Variants in TGFBRAP1 observed in about 807,000 individuals in gnomAD.
The protein encoded by TGFBRAP1 is transforming growth factor-beta receptor-associated protein 1.
In TGFBRAP1, 20 loss-of-function variants were observed where a neutral mutation model predicts 83.2. The ratio of observed to expected loss-of-function variants is 0.24; its 90% CI spans 0.17 to 0.35. The LOEUF is 0.35. Ranked by LOEUF, TGFBRAP1 falls within the 10% of genes least tolerant of loss-of-function variation. The pLI, the probability that TGFBRAP1 is intolerant of heterozygous loss-of-function variation, is 1.00. For synonymous variants in TGFBRAP1, 415 were observed against 459.8 expected, an observed-to-expected ratio of 0.90 and a Z score of 1.25; for missense variants, 950 against 1,099.4, an observed-to-expected ratio of 0.86 and a Z score of 1.92.
At position 105,296,470 on chromosome 2, in the gene TGFBRAP1, C is replaced by G; in HGVS notation, c.924G>C (p.Leu308Phe). The G allele has an allele frequency of 6.2e-7, 1 of 1,613,974 alleles. No individual in the cohort carries two copies. ...TTTGTTTTTCCAAAGGTAATGGAACCAAGATGTAAACTCCTTTACTTGTGG... is the reference window on the plus strand; with the variant it reads ...TTTGTTTTTCCAAAGGTAATGGAACGAAGATGTAAACTCCTTTACTTGTGG... ...IVATSKGVYI[L>F]VPLPLEKQIQ... The change falls in exon 4 of 12, where the codon TTG (leucine) becomes TTC (phenylalanine). Residue 308 changes from leucine (L) to phenylalanine (F), a missense_variant. Transcript: ENST00000393359.
intron 2 of TGFBRAP1, among the ~76,000 whole-genome samples, chr2:105,303,720 G>A (rs1024635917): frequency 2.0e-5 from 3 of 152,100 alleles, no homozygotes; most frequent in African/African-American, 4.8e-5. Flanking sequence ...CCTTGACAGA[G>A]GTACTCCACC....
the TGFBRAP1 span, among the ~76,000 whole-genome samples, chr2:105,251,623 G>A: frequency 3.3e-5 from 5 of 152,014 alleles, no homozygotes; most frequent in African/African-American, 7.3e-5. Context: ...CTGCCCGGCC[G>A]CCACCCCGTC....
intron 3 of TGFBRAP1, 68 bp from the exon 4 acceptor site, chr2:105,296,578 C>T (rs1678097296): frequency 6.5e-7 from 1 of 1,535,308 alleles, no homozygotes; most frequent in African/African-American, 1.4e-5. Context: ...ACACTGCTTT[C>T]CCCAAACTGG....
At chr2:105,261,446 G>C (rs1035452258), downstream of TGFBRAP1, among the ~76,000 whole-genome samples, 1 of 152,116 alleles carries the variant, frequency 6.6e-6, no homozygotes, top group African/African-American at 2.4e-5. Context: ...GTGAAACCTA[G>C]AGCACATGAG....
At chr2:105,257,824 A>C in the TGFBRAP1 span, among the ~76,000 whole-genome samples, 98 of 152,312 alleles carry the variant, frequency 6.4e-4, 1 homozygote, top group East Asian at 0.018. Context: ...CAACAAGCAA[A>C]GCTCCTGAAT....
chr2:105,307,236 T>C (rs1408240294), intron 2 of TGFBRAP1, among the ~76,000 whole-genome samples: 1 of 152,164 alleles, frequency 6.6e-6, no homozygotes, highest in Non-Finnish European at 1.5e-5. Context: ...GTACTGTCTC[T>C]CTCCATATAA....
intron 5 of TGFBRAP1, among the ~76,000 whole-genome samples, chr2:105,283,923 C>G (rs1002080780): frequency 1.3e-5 from 2 of 152,172 alleles, no homozygotes; most frequent in Admixed American, 6.5e-5. Context: ...TCTTTTCCCC[C>G]CTGCACTAAG....
chr2:105,254,865 T>A, the TGFBRAP1 span, among the ~76,000 whole-genome samples: 1 of 152,080 alleles, frequency 6.6e-6, no homozygotes, highest in African/African-American at 2.4e-5. Context: ...CAGAGCTTCC[T>A]CTCTCTGCCA....
chr2:105,280,403 G>C lies in TGFBRAP1; in HGVS notation c.1442C>G (p.Ala481Gly). ...ENFCLLTDSA[A>G]WLEKHKKYFA... ...TCACTTTTTGTGCTTCTCTAGCCAGGCAGCACTGTCCGTCAGAAGACAGAA... is the reference window on the plus strand; with the variant it reads ...TCACTTTTTGTGCTTCTCTAGCCAGCCAGCACTGTCCGTCAGAAGACAGAA... The change falls in exon 6 of 12, where the codon GCC becomes GGC. Residue 481 changes from alanine (A) to glycine (G), a missense_variant. Ala to Gly is a moderately conservative substitution (Grantham distance 60). Transcript: ENST00000393359. The C allele has an allele frequency of 6.2e-7, 1 of 1,613,930 alleles. No individual in the cohort carries two copies. Among genetic ancestry groups the C allele is most frequent in the Non-Finnish European group, 8.5e-7 (1 of 1,179,982 alleles).
Position 105,273,662 on chromosome 2 carries a change from G to A in TGFBRAP1, c.1694C>T (p.Pro565Leu). 2 of 1,614,120 alleles carry A rather than the reference G, an allele frequency of 1.2e-6. No individual in the cohort carries two copies. Among genetic ancestry groups the A allele is most frequent in the Non-Finnish European group, 8.5e-7 (1 of 1,180,020 alleles). ...ACTGTTCTTCTGCTGTTCATCCAAA[G>A]GTCTCTTGGTGAAAACCTGAACTCC... is the stretch of plus-strand genomic sequence containing the variant. ...EVGVQVFTKRPLDEQQKNSFN... is the reference protein window; with the variant it reads ...EVGVQVFTKRLLDEQQKNSFN... Residue 565 changes from proline to leucine, a missense_variant, in exon 9 of 12, where the codon CCT becomes CTT. By Grantham distance (98) the Pro-to-Leu change is moderately conservative (BLOSUM62 -3). Coordinates refer to ENST00000393359, the MANE Select transcript of TGFBRAP1 (RefSeq NM_004257.6).
chr2:105,289,208 T>G (rs200959864), intron 4 of TGFBRAP1, among the ~76,000 whole-genome samples: 3 of 148,946 alleles, frequency 2.0e-5, no homozygotes, highest in Non-Finnish European at 1.5e-5. Context: ...AAAAAAAAAG[T>G]GGGGGGGTGC....
rs1271299007 is a variant in TGFBRAP1, at chr2:105,307,813, C to T, written c.489G>A (p.Glu163=). 1 of 1,614,210 alleles carries T rather than the reference C, an allele frequency of 6.2e-7. No individual in the cohort carries two copies. The highest frequency in any genetic ancestry group is 2.2e-5 in the East Asian group (1 of 44,870). ...VYEDRVQIVK[E]VSTAEQPLAV... is the part of the protein sequence containing the mutation. Reference sequence around the variant, plus strand: ...CGAGGGGCTGCTCGGCAGTCGACACCTCCTTGACGATCTGCACCCGGTCCT... The same window carrying T: ...CGAGGGGCTGCTCGGCAGTCGACACTTCCTTGACGATCTGCACCCGGTCCT... The change falls in exon 2 of 12, where the codon GAG becomes GAA. Residue 163 remains glutamate, a synonymous_variant. Transcript: ENST00000393359.
intron 2 of TGFBRAP1, among the ~76,000 whole-genome samples, chr2:105,304,445 G>T (rs1678419328): frequency 6.6e-6 from 1 of 152,184 alleles, no homozygotes; most frequent in African/African-American, 2.4e-5. Flanking sequence ...CAAAAAGTAA[G>T]AATCTATGGT....
chr2:105,256,025 A>G, the TGFBRAP1 span, among the ~76,000 whole-genome samples: 214 of 152,290 alleles, frequency 1.4e-3, 4 homozygotes, highest in South Asian at 0.043. Flanking sequence ...CACGTTTTCT[A>G]TTAATACTCT....
chr2:105,320,858 C>T (rs1679035793), intron 1 of TGFBRAP1, among the ~76,000 whole-genome samples: 1 of 152,302 alleles, frequency 6.6e-6, no homozygotes, highest in South Asian at 2.1e-4. Flanking sequence ...AAAGGATTAA[C>T]ACTATGAGTC....
At chr2:105,279,075 T>C (rs1294562970) in intron 6 of TGFBRAP1, among the ~76,000 whole-genome samples, 1 of 151,976 alleles carries the variant, frequency 6.6e-6, no homozygotes, top group East Asian at 1.9e-4. Flanking sequence ...ATCCTGTAAA[T>C]GGAGCTGAGG....
intron 11 of TGFBRAP1, 119 bp from the exon 12 acceptor site, chr2:105,267,678 T>C (rs1029988290): frequency 3.1e-5 from 47 of 1,495,422 alleles, no homozygotes; most frequent in Non-Finnish European, 3.8e-5. Flanking sequence ...ATGATGAGGA[T>C]TTCTTTAATA....
At chr2:105,287,189 TG>T (rs1573180389) in intron 4 of TGFBRAP1, among the ~76,000 whole-genome samples, 1 of 121,402 alleles carries the variant, frequency 8.2e-6, no homozygotes, top group Non-Finnish European at 1.7e-5. Flanking sequence ...TGCCAAGGGC[TG>T]GTGGGGGTGT....
At chr2:105,273,736 C>G (rs1313257638) in intron 8 of TGFBRAP1, 46 bp from the exon 9 acceptor site, 4 of 1,592,764 alleles carry the variant, frequency 2.5e-6, no homozygotes, top group Non-Finnish European at 3.4e-6. Context: ...CCAAACCCAC[C>G]TTTCCTTTAA....
Sources: gnomAD v4.1 joint callset for allele counts (sites outside exome capture counted in the v4.1 genomes callset) on GRCh38, gnomAD v4.1.1 for gene constraint, MANE v1.5 for transcripts, NCBI Gene and HGNC (gene_info 2026-07-23, HGNC 2026-07-21) for gene names.